Variants in COL6A6 observed in about 807,000 individuals in gnomAD.
The protein encoded by COL6A6 is collagen alpha-6(VI) chain.
COL6A6 carries 183 observed loss-of-function variants against 208.6 expected under a neutral mutation model. The observed-to-expected ratio is 0.88, with a 90% CI of 0.78 to 0.99. COL6A6 has a LOEUF of 0.99. COL6A6 is among the 50% of genes least tolerant of loss of function. The probability of loss-of-function intolerance (pLI) is 0.00; values close to 1 mark genes in which losing one functional copy is unlikely to be tolerated. For missense variants in COL6A6, 2,816 were observed against 2,815.2 expected (o/e 1.00, Z -0.01); for synonymous variants, 973 against 1,011.8 (o/e 0.96, Z 0.73).
Position 130,586,558 on chromosome 3 carries a change from C to T in COL6A6, c.4023C>T (p.Asp1341=), listed in dbSNP as rs1263170836. 1.2e-6 allele frequency: 2 copies of T among 1,613,900 alleles called. No individual in the cohort carries two copies. The highest frequency in any genetic ancestry group is 2.2e-5 in the South Asian group (2 of 91,070). The stretch of plus-strand genomic sequence containing the variant: ...TGGATGGACCTGCTGATTCAAGTGA[C>T]TTGGCTGATCTTCCCTATATTGAAT... ...VALDGPADSS[D]LADLPYIEFG... is the part of the protein sequence containing the mutation. Residue 1341 remains aspartate, a synonymous_variant, in exon 11 of 37, where the codon GAC becomes GAT. Transcript: ENST00000358511.
rs1455061133 is a variant in COL6A6 at position 130,570,886 on chromosome 3, G to A, written c.2470G>A (p.Glu824Lys). Reference sequence around the variant, plus strand: ...TAGCTCTGGCAGTATTGACTATGATGAGTATAATATCATGAAGGATTTTAT... The same window carrying A: ...TAGCTCTGGCAGTATTGACTATGATAAGTATAATATCATGAAGGATTTTAT... ...IDSSGSIDYD[E>K]YNIMKDFMIG... The change falls in exon 7 of 37, where the codon GAG becomes AAG. Residue 824 changes from glutamate (E) to lysine (K), a missense_variant. Physicochemically the swap from Glu to Lys is moderately conservative, Grantham distance 56. Transcript: ENST00000358511. 1.2e-6 allele frequency: 2 copies of A among 1,613,908 alleles called. No homozygotes were observed. The highest frequency in any genetic ancestry group is 1.7e-6 in the Non-Finnish European group (2 of 1,179,806).
At chr3:130,553,960 AG>A (rs1462570184) in intron 1 of COL6A6, among the ~76,000 whole-genome samples, 4 of 152,014 alleles carry the variant, frequency 2.6e-5, no homozygotes. Flanking sequence ...GGAAGATTCT[AG>A]GGGGCCAAGC....
At position 130,608,945 on chromosome 3, in the gene COL6A6, T is replaced by C; in HGVS notation, c.4733T>C (p.Leu1578Pro). 6.2e-7 allele frequency: 1 copy of C among 1,613,388 alleles called. No individual in the cohort carries two copies. The highest frequency in any genetic ancestry group is 8.5e-7 in the Non-Finnish European group (1 of 1,179,562). The change falls in exon 22 of 37, where the codon CTG (leucine) becomes CCG (proline). Residue 1578 changes from leucine to proline, a missense_variant. Transcript: ENST00000358511. ...IPGPDGLEGS[L>P]GLKGPQGPRG... ...GGACCAGATGGACTTGAAGGCTCCC[T>C]GGGACTTAAGGGCCCTCAGGTACAT...
intron 21 of COL6A6, among the ~76,000 whole-genome samples, chr3:130,607,842 T>C (rs6784368): frequency 0.023 from 3,448 of 152,310 alleles, 147 homozygotes; most frequent in African/African-American, 0.079. Flanking sequence ...TTTTTATTTA[T>C]CTGTTTCTGC....
In COL6A6 at chr3:130,571,412, G is replaced by A; in HGVS notation, c.2977+19G>A. 2 of 1,515,888 alleles carry A rather than the reference G, an allele frequency of 1.3e-6. No individual in the cohort carries two copies. Among genetic ancestry groups the A allele is most frequent in the African/African-American group, 1.4e-5 (1 of 71,906 alleles). The allele number at this position is 1,515,888 out of a possible 1,614,324, so 93.9% of individuals were successfully genotyped here. A position where few individuals can be genotyped will look rare whatever the true frequency, so the allele number is the denominator to read the frequency against. On this transcript the variant is annotated intron_variant, in intron 7 of 36. Transcript: ENST00000358511. ...AAAGTAGGTAAGTTTTGCCAACTAA[G>A]TTTTTCCTAATTATTAGCAGAGGGA... is the stretch of plus-strand genomic sequence containing the variant.
At chr3:130,645,155 CT>C (rs931312083) in intron 32 of COL6A6, among the ~76,000 whole-genome samples, 153 bp downstream of exon 32, 1 of 152,178 alleles carries the variant, frequency 6.6e-6, no homozygotes, top group Admixed American at 6.5e-5. Flanking sequence ...AGAGTCTTGC[CT>C]CCAATAAATC....
chr3:130,554,640 G>C (rs902654651), intron 1 of COL6A6, among the ~76,000 whole-genome samples: 1 of 152,156 alleles, frequency 6.6e-6, no homozygotes, highest in Non-Finnish European at 1.5e-5. Context: ...TGTGGTGGAG[G>C]GATCACAGGG....
intron 20 of COL6A6, among the ~76,000 whole-genome samples, chr3:130,606,524 T>C (rs1416750368): frequency 6.6e-6 from 1 of 152,228 alleles, no homozygotes; most frequent in African/African-American, 2.4e-5. Context: ...CCTCCTGCCT[T>C]TTGGCTAGTT....
Position 130,611,946 on chromosome 3 carries a change from C to A in COL6A6, c.4815+1235C>A, listed in dbSNP as rs948306715. On this transcript the variant is annotated intron_variant, in intron 23 of 36. Coordinates refer to ENST00000358511, the MANE Select transcript of COL6A6 (RefSeq NM_001102608.3). ...CCGATCCTTTCCCATCCTTTACTTT[C>A]AAGTAGGCCTCAGTGCCTGTTGTTC... Among the ~76,000 whole-genome samples the A allele has an allele frequency of 1.9e-4, 29 of 152,192 alleles. 1 individual carries two copies. Among genetic ancestry groups the A allele is most frequent in the Admixed American group, 4.6e-4 (7 of 15,282 alleles).
intron 26 of COL6A6, among the ~76,000 whole-genome samples, chr3:130,629,853 A>C (rs1247598281): frequency 3.3e-5 from 1 of 30,170 alleles, no homozygotes; most frequent in Non-Finnish European, 4.5e-5. Flanking sequence ...ATGTTGAGAG[A>C]TTTTGTCACC....
At chr3:130,658,077 C>T (rs913584150) in intron 33 of COL6A6, among the ~76,000 whole-genome samples, 3 of 152,032 alleles carry the variant, frequency 2.0e-5, no homozygotes, top group African/African-American at 7.3e-5. Flanking sequence ...GCTGCATGGA[C>T]GTAGATCTGA....
chr3:130,673,178 C>CAAA (rs369915283), intron 36 of COL6A6, among the ~76,000 whole-genome samples: 2 of 47,934 alleles, frequency 4.2e-5, no homozygotes, highest in Admixed American at 1.6e-4. Context: ...GACTCTATCT[C>CAAA]AAAAAAAAAA....
chr3:130,575,499 A>G (rs1025875541), intron 8 of COL6A6, among the ~76,000 whole-genome samples: 12 of 152,152 alleles, frequency 7.9e-5, no homozygotes, highest in Non-Finnish European at 1.6e-4. Flanking sequence ...GGTGATTAAT[A>G]TGTCCATCCC....
rs889834892 is a variant in COL6A6 at position 130,546,640 on chromosome 3, G to T, written c.-31-13694G>T. Among the ~76,000 whole-genome samples, 4 of 152,278 alleles carry T rather than the reference G, an allele frequency of 2.6e-5. No individual in the cohort carries two copies. The South Asian group carries it at 8.3e-4, about 32-fold the overall frequency. On this transcript the variant is annotated intron_variant, in intron 1 of 36. Coordinates refer to ENST00000358511, the MANE Select transcript of COL6A6 (RefSeq NM_001102608.3). ...GAGCTAATTGATCCATTTTGACAGG[G>T]TGCTGATTGGTGCATTTACAATCCT...
chr3:130,547,160 G>C (rs956632490), intron 1 of COL6A6, among the ~76,000 whole-genome samples: 1 of 152,264 alleles, frequency 6.6e-6, no homozygotes, highest in East Asian at 1.9e-4. Flanking sequence ...AGCCGACTGC[G>C]GAGGGGCTCG....
rs925448853 is a variant in COL6A6, at chr3:130,661,680, C to A, written c.5874C>A (p.Pro1958=). 6.2e-7 allele frequency: 1 copy of A among 1,613,838 alleles called. No individual in the cohort carries two copies. The highest frequency in any genetic ancestry group is 2.2e-5 in the East Asian group (1 of 44,886). ...CTTCTTGTGACCAAGCCAGACCACCCCCTGTGCAGTCTTACATGGATGCTG... is the reference window on the plus strand; with the variant it reads ...CTTCTTGTGACCAAGCCAGACCACCACCTGTGCAGTCTTACATGGATGCTG... ...PDASCDQARP[P]PVQSYMDAAF... is the part of the protein sequence containing the mutation. The change falls in exon 35 of 37, where the codon CCC becomes CCA. Residue 1958 remains proline (P), a synonymous_variant. Coordinates refer to ENST00000358511, the MANE Select transcript of COL6A6 (RefSeq NM_001102608.3).
At chr3:130,658,655 T>G (rs758748399) in intron 33 of COL6A6, 21 bp from the exon 34 acceptor site, 7 of 1,574,828 alleles carry the variant, frequency 4.4e-6, no homozygotes, top group Non-Finnish European at 6.1e-6. Context: ...AAGTTCTTTC[T>G]GCTGCTTCTG....
intron 1 of COL6A6, among the ~76,000 whole-genome samples, chr3:130,527,386 T>C (rs1577600544): frequency 1.3e-5 from 2 of 152,220 alleles, no homozygotes; most frequent in African/African-American, 2.4e-5. Flanking sequence ...AAAGACACTA[T>C]AGGTCTTTAG....
intron 29 of COL6A6, among the ~76,000 whole-genome samples, 191 bp downstream of exon 29, chr3:130,641,905 T>G (rs1282155519): frequency 6.6e-6 from 1 of 152,144 alleles, no homozygotes; most frequent in Admixed American, 6.5e-5. Flanking sequence ...TAAATACATC[T>G]CTTGAGAGAG....
Sources: allele counts gnomAD v4.1 joint callset (sites outside exome capture counted in the v4.1 genomes callset), GRCh38; gene constraint gnomAD v4.1.1; transcripts MANE v1.5; gene names NCBI Gene and HGNC (gene_info 2026-07-23, HGNC 2026-07-21).